Variants in MAGI2 observed in about 807,000 individuals in gnomAD.
MAGI2 encodes the protein membrane associated guanylate kinase, WW and PDZ domain containing 2.
In MAGI2, 35 loss-of-function variants were observed where a neutral mutation model predicts 133.3. That is an observed-to-expected ratio of 0.26 (90% CI 0.20 to 0.35). The LOEUF is 0.35. Ranked by LOEUF, MAGI2 falls within the 10% of genes least tolerant of loss-of-function variation. The pLI is 1.00. For synonymous variants in MAGI2, 729 were observed against 710.6 expected (o/e 1.03, Z -0.41); for missense variants, 1,636 against 1,863.4 (o/e 0.88, Z 2.25).
chr7:78,070,090 A>AACAC (rs1341072854), intron 21 of MAGI2, among the ~76,000 whole-genome samples: 4 of 124,972 alleles, frequency 3.2e-5, no homozygotes, highest in African/African-American at 1.2e-4. Context: ...GGTCACTATA[A>AACAC]ACACACACAC....
intron 2 of MAGI2, among the ~76,000 whole-genome samples, chr7:78,689,849 T>C (rs146413637): frequency 6.6e-6 from 1 of 152,132 alleles, no homozygotes; most frequent in Non-Finnish European, 1.5e-5. Context: ...TGTTTCCAGT[T>C]TGGGGCTCTT....
At chr7:78,253,684 G>C (rs1792667051) in intron 10 of MAGI2, 1 of 152,124 alleles carries the variant, frequency 6.6e-6, no homozygotes, top group Admixed American at 6.6e-5. Flanking sequence ...TGAAAGTCTG[G>C]GATAGGACAG....
intron 3 of MAGI2, among the ~76,000 whole-genome samples, chr7:78,573,866 A>G (rs1460648378): frequency 6.6e-6 from 1 of 151,970 alleles, no homozygotes; most frequent in Non-Finnish European, 1.5e-5. Context: ...AGTTTCTTTC[A>G]TGAAGGGTTT....
intron 3 of MAGI2, among the ~76,000 whole-genome samples, chr7:78,570,230 A>G (rs888156753): frequency 6.6e-6 from 1 of 152,194 alleles, no homozygotes; most frequent in Admixed American, 6.6e-5. Context: ...GTGTTTCTAC[A>G]GTTTATCTTT....
intron 2 of MAGI2, among the ~76,000 whole-genome samples, chr7:78,901,670 TA>T: frequency 8.3e-6 from 1 of 120,848 alleles, no homozygotes; most frequent in Non-Finnish European, 1.8e-5. Flanking sequence ...AAATGAAATA[TA>T]CTTTTTTTTT....
chr7:79,035,646 T>A (rs955133825), intron 1 of MAGI2, among the ~76,000 whole-genome samples: 21 of 152,214 alleles, frequency 1.4e-4, no homozygotes, highest in African/African-American at 5.1e-4. Flanking sequence ...TTAAAATATG[T>A]AAAATGGGAT....
At chr7:79,311,798 C>T (rs1002706467) in intron 1 of MAGI2, among the ~76,000 whole-genome samples, 1 of 152,186 alleles carries the variant, frequency 6.6e-6, no homozygotes, top group African/African-American at 2.4e-5. Context: ...TGTACACTTA[C>T]AGAGCCTTTC....
At chr7:79,002,577 G>C (rs1806985824) in intron 2 of MAGI2, among the ~76,000 whole-genome samples, 1 of 151,922 alleles carries the variant, frequency 6.6e-6, no homozygotes, top group Non-Finnish European at 1.5e-5. Context: ...TAGTACGATA[G>C]TAGGATAGTG....
intron 1 of MAGI2, among the ~76,000 whole-genome samples, chr7:79,201,318 C>T (rs1393005378): frequency 1.3e-5 from 2 of 152,030 alleles, no homozygotes; most frequent in Admixed American, 1.3e-4. Flanking sequence ...ACATAGCATT[C>T]ACCTTGCCTA....
intron 15 of MAGI2, among the ~76,000 whole-genome samples, chr7:78,160,987 G>T (rs1824914487): frequency 6.6e-6 from 1 of 152,154 alleles, no homozygotes; most frequent in Admixed American, 6.5e-5. Flanking sequence ...ATATCACAAT[G>T]AAGTGGCTTA....
chr7:79,159,145 T>G (rs1824100446), intron 1 of MAGI2, among the ~76,000 whole-genome samples: 1 of 152,100 alleles, frequency 6.6e-6, no homozygotes, highest in East Asian at 1.9e-4. Context: ...GCGGTAAATT[T>G]CTGTCCTAAA....
At chr7:78,766,797 A>C (rs1825070290) in intron 2 of MAGI2, among the ~76,000 whole-genome samples, 1 of 152,124 alleles carries the variant, frequency 6.6e-6, no homozygotes, top group African/African-American at 2.4e-5. Context: ...AGAATAATGC[A>C]CTTCTTCTGG....
intron 20 of MAGI2, among the ~76,000 whole-genome samples, chr7:78,082,960 T>G (rs144710906): frequency 2.0e-5 from 3 of 152,234 alleles, no homozygotes; most frequent in African/African-American, 7.2e-5. Flanking sequence ...ATTTGGGATG[T>G]GATCTCTTTC....
chr7:78,857,933 T>C (rs951697297), intron 2 of MAGI2, among the ~76,000 whole-genome samples: 1 of 152,234 alleles, frequency 6.6e-6, no homozygotes, highest in African/African-American at 2.4e-5. Context: ...TTTCAGAACC[T>C]GTTATTGATC....
chr7:78,393,839 A>T (rs1245922887), intron 6 of MAGI2, among the ~76,000 whole-genome samples: 2 of 152,244 alleles, frequency 1.3e-5, no homozygotes. Context: ...ACAGATTTGT[A>T]ACAAAGTGCT....
chr7:78,559,136 C>CAAAAAAAAAAAAAAAAAAAAAAAAAAA (rs71085541), intron 3 of MAGI2, among the ~76,000 whole-genome samples: 1 of 54,726 alleles, frequency 1.8e-5, no homozygotes, highest in Admixed American at 3.2e-4. Flanking sequence ...TCTGAATTTC[C>CAAAAAAAAAAAAAAAAAAAAAAAAAAA]AAAAAAAAAA....
intron 3 of MAGI2, among the ~76,000 whole-genome samples, chr7:78,598,441 T>C (rs919582898): frequency 2.6e-5 from 4 of 151,890 alleles, no homozygotes; most frequent in Admixed American, 2.0e-4. Flanking sequence ...TAGGTAAAGA[T>C]GGTAGATTAA....
chr7:79,218,099 T>C (rs1167303291), intron 1 of MAGI2, among the ~76,000 whole-genome samples: 1 of 151,964 alleles, frequency 6.6e-6, no homozygotes, highest in Non-Finnish European at 1.5e-5. Flanking sequence ...TTCCCTGATA[T>C]GCAAAGAGCA....
chr7:78,353,471 G>A (rs1289959526), intron 7 of MAGI2, among the ~76,000 whole-genome samples: 2 of 152,178 alleles, frequency 1.3e-5, no homozygotes, highest in African/African-American at 2.4e-5. Context: ...CCTGGGATGT[G>A]GGGCTTTCAG....
Sources: gnomAD v4.1 joint callset for allele counts (sites outside exome capture counted in the v4.1 genomes callset) on GRCh38, gnomAD v4.1.1 for gene constraint, MANE v1.5 for transcripts, NCBI Gene and HGNC (gene_info 2026-07-23, HGNC 2026-07-21) for gene names.